MAPRE2: variants seen among roughly 807,000 people sequenced by gnomAD.
The protein encoded by MAPRE2 is microtubule-associated protein RP/EB family member 2.
MAPRE2 carries 13 observed loss-of-function variants against 43.2 expected under a neutral mutation model. The observed-to-expected ratio is 0.30, with a 90% CI of 0.20 to 0.48. The LOEUF is 0.48. Among genes scored for constraint, MAPRE2 ranks in the 20% least tolerant of loss-of-function variants. The pLI is 0.99. For synonymous variants in MAPRE2, 135 were observed against 148.8 expected, an observed-to-expected ratio of 0.91 and a Z score of 0.68; for missense variants, 161 against 400.2, an observed-to-expected ratio of 0.40 and a Z score of 5.10.
chr18:35,038,721 G>C (rs991714120), upstream of MAPRE2, among the ~76,000 whole-genome samples: 1 of 152,198 alleles, frequency 6.6e-6, no homozygotes, highest in East Asian at 1.9e-4. Context: ...CTAGGGCTCA[G>C]CTGGAAAATG....
At chr18:35,047,510 CA>C (rs779857699) in intron 1 of MAPRE2, among the ~76,000 whole-genome samples, 1 of 152,046 alleles carries the variant, frequency 6.6e-6, no homozygotes, top group South Asian at 2.1e-4. Context: ...AGAATTCTCT[CA>C]AAGTGGAAAC....
chr18:35,024,467 A>G (rs2097043891), intron 2 of MAPRE2, among the ~76,000 whole-genome samples: 1 of 152,060 alleles, frequency 6.6e-6, no homozygotes. Context: ...ATGAAGTAGA[A>G]CAAAGCATTT....
chr18:35,078,776 C>G (rs62095438), intron 2 of MAPRE2, among the ~76,000 whole-genome samples: 11 of 152,174 alleles, frequency 7.2e-5, no homozygotes, highest in Non-Finnish European at 1.2e-4. Flanking sequence ...TTACATTCTA[C>G]TTGAAGAAAT....
At chr18:35,117,724 T>TC (rs1195769343) in intron 4 of MAPRE2, among the ~76,000 whole-genome samples, 1 of 152,146 alleles carries the variant, frequency 6.6e-6, no homozygotes, top group African/African-American at 2.4e-5. Context: ...CCTCACCATT[T>TC]CTGTTGCTCT....
chr18:35,113,401 T>G (rs1909269244), intron 4 of MAPRE2, among the ~76,000 whole-genome samples: 1 of 152,200 alleles, frequency 6.6e-6, no homozygotes, highest in Admixed American at 6.5e-5. Context: ...GACAGATGAT[T>G]TACTAATTCA....
At chr18:35,099,138 C>T (rs1236564205) in intron 3 of MAPRE2, among the ~76,000 whole-genome samples, 1 of 152,128 alleles carries the variant, frequency 6.6e-6, no homozygotes, top group African/African-American at 2.4e-5. Context: ...GCTAATGTAC[C>T]ACCAGTGTCT....
intron 2 of MAPRE2, among the ~76,000 whole-genome samples, chr18:35,028,545 T>C (rs1000540095): frequency 2.0e-5 from 3 of 152,192 alleles, no homozygotes; most frequent in African/African-American, 7.2e-5. Flanking sequence ...ATTACAGCTC[T>C]AATTTTAGAA....
intron 2 of MAPRE2, among the ~76,000 whole-genome samples, chr18:35,018,980 T>C (rs1373069699): frequency 1.3e-5 from 2 of 152,044 alleles, no homozygotes; most frequent in African/African-American, 4.8e-5. Flanking sequence ...CTCCTAACAC[T>C]GCATTTGCTG....
At chr18:35,004,650 G>T (rs944468187) in intron 1 of MAPRE2, among the ~76,000 whole-genome samples, 3 of 152,230 alleles carry the variant, frequency 2.0e-5, no homozygotes, top group African/African-American at 7.2e-5. Flanking sequence ...GTGCACGGTG[G>T]CTTACGCCTG....
intron 6 of MAPRE2, among the ~76,000 whole-genome samples, chr18:35,136,036 T>C (rs745408717): frequency 6.6e-6 from 1 of 152,244 alleles, no homozygotes; most frequent in African/African-American, 2.4e-5. Flanking sequence ...GATTGGCCTC[T>C]GATTGTTATA....
At chr18:35,012,203 G>A (rs1417221735) in intron 2 of MAPRE2, among the ~76,000 whole-genome samples, 1 of 152,084 alleles carries the variant, frequency 6.6e-6, no homozygotes. Flanking sequence ...TGTGCTTAGG[G>A]TGCCTGTGAC....
chr18:34,978,166 T>G, intron 1 of MAPRE2: 1 of 361,200 alleles, frequency 2.8e-6, no homozygotes, highest in Non-Finnish European at 5.0e-6. Flanking sequence ...CCAACACTGC[T>G]GTCCCCTCCC....
intron 1 of MAPRE2, among the ~76,000 whole-genome samples, chr18:34,995,991 T>C (rs2097026313): frequency 6.6e-6 from 1 of 152,092 alleles, no homozygotes; most frequent in South Asian, 2.1e-4. Flanking sequence ...GTAACAAAAT[T>C]CCCAGGTGAT....
chr18:35,043,189 C>T (rs942406294), intron 1 of MAPRE2, among the ~76,000 whole-genome samples: 2 of 152,186 alleles, frequency 1.3e-5, no homozygotes, highest in African/African-American at 4.8e-5. Flanking sequence ...TACTCCTCCA[C>T]CTTTTTCCTC....
intron 2 of MAPRE2, among the ~76,000 whole-genome samples, chr18:35,027,642 T>C (rs1014564723): frequency 6.6e-6 from 1 of 152,248 alleles, no homozygotes; most frequent in Non-Finnish European, 1.5e-5. Flanking sequence ...ATTGCTATTT[T>C]AATCCACCAA....
chr18:35,110,255 TGTG>T (rs1245943435), intron 4 of MAPRE2, among the ~76,000 whole-genome samples: 5 of 152,162 alleles, frequency 3.3e-5, no homozygotes, highest in African/African-American at 1.2e-4. Context: ...AAATGTGCTG[TGTG>T]TATAAAATGC....
At chr18:35,104,433 TA>T (rs1908814536) in intron 4 of MAPRE2, among the ~76,000 whole-genome samples, 1 of 151,942 alleles carries the variant, frequency 6.6e-6, no homozygotes. Context: ...AGGAAGATGT[TA>T]TTTTTTTTCA....
intron 2 of MAPRE2, among the ~76,000 whole-genome samples, chr18:35,026,208 C>T (rs1317350383): frequency 2.0e-5 from 3 of 152,048 alleles, no homozygotes; most frequent in African/African-American, 7.2e-5. Context: ...GTGAAATGAA[C>T]AGGTATGATG....
At chr18:35,127,144 G>A (rs531487103) in intron 5 of MAPRE2, 57 bp downstream of exon 5, 2 of 1,597,252 alleles carry the variant, frequency 1.3e-6, no homozygotes, top group Admixed American at 1.7e-5. Flanking sequence ...AAGAGGTAGG[G>A]GGCCTAGGAT....
Sources: allele counts gnomAD v4.1 joint callset (sites outside exome capture counted in the v4.1 genomes callset), GRCh38; gene constraint gnomAD v4.1.1; transcripts MANE v1.5; gene names NCBI Gene and HGNC (gene_info 2026-07-23, HGNC 2026-07-21).